SORCS1: variants seen among roughly 807,000 people sequenced by gnomAD.
SORCS1 encodes VPS10 domain-containing receptor SorCS1.
Under a neutral mutation model 146.1 loss-of-function variants are expected in SORCS1, and 60 were observed. That is an observed-to-expected ratio of 0.41 (90% confidence interval 0.33 to 0.51). The LOEUF is 0.51. SORCS1 is among the 20% of genes least tolerant of loss of function. The pLI, the probability that SORCS1 is intolerant of heterozygous loss-of-function variation, is 0.21. For missense variants in SORCS1, 1,352 were observed against 1,487.6 expected (o/e 0.91, Z 1.50); for synonymous variants, 637 against 584.0 (o/e 1.09, Z -1.31).
At chr10:107,070,464 A>T (rs1962316588) in intron 1 of SORCS1, among the ~76,000 whole-genome samples, 1 of 152,196 alleles carries the variant, frequency 6.6e-6, no homozygotes, top group African/African-American at 2.4e-5. Context: ...AGTTAATGAA[A>T]AATAACAGAA....
At chr10:107,130,748 T>G (rs1181023693) in intron 1 of SORCS1, among the ~76,000 whole-genome samples, 1 of 152,188 alleles carries the variant, frequency 6.6e-6, no homozygotes, top group Admixed American at 6.5e-5. Flanking sequence ...CTTTTTTTTT[T>G]TTTAATCCTA....
intron 9 of SORCS1, among the ~76,000 whole-genome samples, chr10:106,691,247 C>T (rs1196538622): frequency 6.6e-6 from 1 of 152,142 alleles, no homozygotes; most frequent in African/African-American, 2.4e-5. Context: ...GCCATGTCTT[C>T]CCATAGACAC....
intron 1 of SORCS1, among the ~76,000 whole-genome samples, chr10:106,966,232 G>A (rs1241376902): frequency 6.6e-6 from 1 of 152,154 alleles, no homozygotes; most frequent in East Asian, 1.9e-4. Flanking sequence ...AGGTGCTCCA[G>A]AGGAGAGTTG....
intron 1 of SORCS1, among the ~76,000 whole-genome samples, chr10:106,962,394 C>CAAAAAAAAAAAAAAAAAAAAAAAAAAA (rs60616146): frequency 1.6e-4 from 10 of 62,558 alleles, no homozygotes; most frequent in Non-Finnish European, 2.5e-4. Context: ...AACTCCATCT[C>CAAAAAAAAAAAAAAAAAAAAAAAAAAA]AAAAAAAAAA....
intron 2 of SORCS1, among the ~76,000 whole-genome samples, chr10:106,920,036 G>A (rs1324239173): frequency 2.6e-5 from 4 of 152,190 alleles, no homozygotes; most frequent in Non-Finnish European, 5.9e-5. Context: ...GTTTTAGGGA[G>A]TAGGTGGTAA....
At chr10:106,955,660 G>T (rs943799737) in intron 2 of SORCS1, among the ~76,000 whole-genome samples, 5 of 152,236 alleles carry the variant, frequency 3.3e-5, no homozygotes, top group African/African-American at 1.2e-4. Context: ...CTGGTGAGCT[G>T]CAGGACCACC....
intron 6 of SORCS1, among the ~76,000 whole-genome samples, chr10:106,711,994 T>G (rs1019139748): frequency 2.0e-5 from 3 of 152,196 alleles, no homozygotes; most frequent in Admixed American, 6.5e-5. Context: ...ATTTATTAGC[T>G]GTGTAGTTCA....
intron 5 of SORCS1, among the ~76,000 whole-genome samples, chr10:106,751,180 T>C (rs532888750): frequency 4.0e-5 from 6 of 148,986 alleles, no homozygotes; most frequent in Admixed American, 2.7e-4. Context: ...ACCACGCCTC[T>C]CAAGGTAATA....
intron 3 of SORCS1, among the ~76,000 whole-genome samples, chr10:106,793,741 T>C (rs1038257040): frequency 2.0e-5 from 3 of 152,244 alleles, no homozygotes; most frequent in Non-Finnish European, 1.5e-5. Flanking sequence ...GCATACTTTA[T>C]AGCTATTTCC....
chr10:107,065,583 T>A (rs909187610), intron 1 of SORCS1, among the ~76,000 whole-genome samples: 1 of 148,832 alleles, frequency 6.7e-6, no homozygotes, highest in Non-Finnish European at 1.5e-5. Context: ...AGTGGCGTGA[T>A]CTCAACTCAC....
intron 5 of SORCS1, among the ~76,000 whole-genome samples, chr10:106,735,397 C>A (rs900157147): frequency 6.6e-6 from 1 of 152,148 alleles, no homozygotes; most frequent in African/African-American, 2.4e-5. Flanking sequence ...ACAGAAGAGG[C>A]AGTAACCCAA....
chr10:107,047,004 T>A (rs1418659480), intron 1 of SORCS1, among the ~76,000 whole-genome samples: 1 of 152,218 alleles, frequency 6.6e-6, no homozygotes, highest in East Asian at 1.9e-4. Context: ...TTATTTATTT[T>A]TTGAGATGGA....
In SORCS1 at chr10:106,802,498, A is replaced by AT. The variant is rs10707442; in HGVS notation, c.727-25807dup. Among the ~76,000 whole-genome samples, 210 of 138,386 alleles carry AT rather than the reference A, an allele frequency of 1.5e-3. 1 individual carries two copies. Among genetic ancestry groups the AT allele is most frequent in the Non-Finnish European group, 2.0e-3 (125 of 63,972 alleles). The allele number at this position is 138,386 out of a possible 152,430, so 90.8% of individuals were successfully genotyped here. A position where few individuals can be genotyped will look rare whatever the true frequency, so the allele number is the denominator to read the frequency against. On this transcript the variant is annotated intron_variant, in intron 3 of 25. Coordinates refer to ENST00000263054, the MANE Select transcript of SORCS1 (RefSeq NM_052918.5). ...AGACATGAGCCACTAAACCCAGCTA[A>AT]TTTTTTTTTTTTTTTTCGAGATGGA...
chr10:107,003,081 C>T (rs1957283114), intron 1 of SORCS1, among the ~76,000 whole-genome samples: 1 of 152,026 alleles, frequency 6.6e-6, no homozygotes, highest in Non-Finnish European at 1.5e-5. Context: ...CATGGTGAAA[C>T]CTGTCTCTAC....
chr10:106,623,944 C>A (rs1057440215), intron 19 of SORCS1, among the ~76,000 whole-genome samples: 9 of 152,278 alleles, frequency 5.9e-5, no homozygotes, highest in African/African-American at 2.2e-4. Context: ...TCGGCCCCCC[C>A]AAAGTGCTGG....
At chr10:106,962,402 AAAAAAAAAAAAAAG>A (rs989565969) in intron 1 of SORCS1, among the ~76,000 whole-genome samples, 2 of 146,152 alleles carry the variant, frequency 1.4e-5, no homozygotes, top group African/African-American at 2.7e-5. Flanking sequence ...CTCAAAAAAA[AAAAAAAAAAAAAAG>A]AAAGAAAAGA....
intron 16 of SORCS1, among the ~76,000 whole-genome samples, chr10:106,669,246 A>AACG (rs979385573): frequency 1.7e-4 from 26 of 151,792 alleles, no homozygotes; most frequent in Non-Finnish European, 3.1e-4. Flanking sequence ...AAAGAAAAAC[A>AACG]ACAACAACAA....
At chr10:107,164,946 C>T (rs1219188586), upstream of SORCS1, among the ~76,000 whole-genome samples, 3 of 149,958 alleles carry the variant, frequency 2.0e-5, no homozygotes, top group Non-Finnish European at 4.5e-5. The surrounding 1 kb of genome is among the most constrained non-coding windows in gnomAD (Gnocchi z 6.8). Context: ...CTCTCCCCGC[C>T]GCCCACTCTG....
At chr10:106,988,811 C>T (rs532065737) in intron 1 of SORCS1, among the ~76,000 whole-genome samples, 1 of 152,082 alleles carries the variant, frequency 6.6e-6, no homozygotes, top group East Asian at 1.9e-4. Flanking sequence ...TAATAAACTC[C>T]CAGGGGAAAA....
Sources: allele counts gnomAD v4.1 joint callset (sites outside exome capture counted in the v4.1 genomes callset), GRCh38; gene constraint gnomAD v4.1.1; non-coding constraint Gnocchi (gnomAD v3.1); transcripts MANE v1.5; gene names NCBI Gene and HGNC (gene_info 2026-07-23, HGNC 2026-07-21).